Variants in CNTRL observed in about 807,000 individuals in gnomAD.
The protein encoded by CNTRL is centriolin.
CNTRL carries 233 observed loss-of-function variants against 303.7 expected under a neutral mutation model. The observed-to-expected ratio is 0.77, with a 90% CI of 0.69 to 0.86. CNTRL has a LOEUF of 0.86. CNTRL is among the 40% of genes least tolerant of loss of function. The pLI is 0.00. For synonymous variants in CNTRL, 900 were observed against 922.2 expected, an observed-to-expected ratio of 0.98 and a Z score of 0.44; for missense variants, 2,524 against 2,650.6, an observed-to-expected ratio of 0.95 and a Z score of 1.05.
chr9:121,090,299 GAT>G lies in CNTRL; in HGVS notation c.247_248del (p.Ile83TyrfsTer6). ...GGAGCTGATTCACATGCAGGAGTTA[GAT>G]ATATTACAGAGGCCCTCATTAAAAA... On this transcript the variant is annotated frameshift_variant, in exon 4 of 44. Transcript: ENST00000373855. LOFTEE classifies it high-confidence loss of function. 6.2e-7 allele frequency: 1 copy of G among 1,609,654 alleles called. No individual in the cohort carries two copies. The highest frequency in any genetic ancestry group is 8.5e-7 in the Non-Finnish European group (1 of 1,178,068).
At chr9:121,136,124 G>C in intron 15 of CNTRL, 142 bp downstream of exon 15, 4 of 712,070 alleles carry the variant, frequency 5.6e-6, no homozygotes, top group Non-Finnish European at 8.9e-6. Flanking sequence ...GAATTTTGGA[G>C]TCAGACATTG....
At chr9:121,102,984 T>G (rs1370760326) in intron 7 of CNTRL, among the ~76,000 whole-genome samples, 1 of 152,158 alleles carries the variant, frequency 6.6e-6, no homozygotes, top group African/African-American at 2.4e-5. Context: ...CAAGGTAATT[T>G]ATAGATTCAA....
At position 121,082,656 on chromosome 9, in the gene CNTRL, T is replaced by C. The variant is rs144620147; in HGVS notation, c.-32+2178T>C. On this transcript the variant is annotated intron_variant, in intron 2 of 43. Transcript: ENST00000373855. ...AATACTTTAGGCAGTTGTAGCACCA[T>C]GGTAAATATTTGTGCATCTAAACAT... Among the ~76,000 whole-genome samples the C allele has an allele frequency of 3.5e-4, 53 of 152,238 alleles. No individual in the cohort carries two copies. In the East Asian group the frequency reaches 9.5e-3, roughly 27 times the overall value.
intron 28 of CNTRL, 23 bp from the exon 29 acceptor site, chr9:121,157,717 G>A: frequency 6.2e-7 from 1 of 1,612,200 alleles, no homozygotes; most frequent in Non-Finnish European, 8.5e-7. Context: ...AGGACCTGGG[G>A]GGAATAAAGC....
chr9:121,121,326 T>G (rs938634511), intron 12 of CNTRL, among the ~76,000 whole-genome samples: 1 of 152,214 alleles, frequency 6.6e-6, no homozygotes, highest in African/African-American at 2.4e-5. Flanking sequence ...AAATATTAAG[T>G]GAATTGCCCC....
rs554318472 is a variant in CNTRL at position 121,168,403 on chromosome 9, C to G, written c.6070+82C>G. 4 of 1,251,036 alleles carry G rather than the reference C, an allele frequency of 3.2e-6. No individual in the cohort carries two copies. The African/African-American group carries it at 4.5e-5, about 14-fold the overall frequency. 77.5% of individuals were successfully genotyped at this position (1,251,036 alleles called of 1,614,324 possible). A position where few individuals can be genotyped will look rare whatever the true frequency, so the allele number is the denominator to read the frequency against. On this transcript the variant is annotated intron_variant, in intron 38 of 43. Transcript: ENST00000373855. ...GTCTTGCAAAAGTATTTAAAGAGAT[C>G]CGGACCCCAGCCAGAGCCCAGGAGA... is the stretch of plus-strand genomic sequence containing the variant.
chr9:121,109,710 G>T (rs1031186268), intron 8 of CNTRL, among the ~76,000 whole-genome samples: 3 of 152,188 alleles, frequency 2.0e-5, no homozygotes, highest in African/African-American at 7.2e-5. Flanking sequence ...ACTTCAAAAA[G>T]CTTCTAACCA....
rs768425540 is a variant in CNTRL, at chr9:121,158,948, G to A, written c.4858G>A (p.Ala1620Thr). The A allele has an allele frequency of 1.9e-6, 3 of 1,614,150 alleles. No individual in the cohort carries two copies. The highest frequency in any genetic ancestry group is 2.5e-6 in the Non-Finnish European group (3 of 1,180,006). ...TCTACTCCAAGGAAGCATGGTCCAG[G>A]CAAAAGCTGACCTCCAGGAAGCTCT... Reference protein sequence around the residue: ...LHLLQGSMVQAKADLQEALRL... With the variant: ...LHLLQGSMVQTKADLQEALRL... Residue 1620 changes from alanine to threonine, a missense_variant, in exon 31 of 44, where the codon GCA becomes ACA. By Grantham distance (58) the Ala-to-Thr change is moderately conservative. Coordinates refer to ENST00000373855, the MANE Select transcript of CNTRL (RefSeq NM_007018.6).
At chr9:121,122,345 G>A in intron 12 of CNTRL, 1 of 944,914 alleles carries the variant, frequency 1.1e-6, no homozygotes, top group Non-Finnish European at 1.3e-6. Flanking sequence ...AGCTTTACCA[G>A]TAGTAAATTA....
chr9:121,167,723 C>T (rs1300393039), intron 37 of CNTRL, 46 bp downstream of exon 37: 10 of 1,535,054 alleles, frequency 6.5e-6, no homozygotes, highest in Non-Finnish European at 8.0e-6. Context: ...TTTTGTGGCT[C>T]ATGTGAGCCT....
At chr9:121,077,746 A>G (rs1328522225) in intron 1 of CNTRL, among the ~76,000 whole-genome samples, 2 of 120,160 alleles carry the variant, frequency 1.7e-5, no homozygotes, top group South Asian at 2.9e-4. Flanking sequence ...GGAGTTCAAG[A>G]CCAACCTGGG....
At chr9:121,083,464 G>A (rs1455516098) in intron 2 of CNTRL, among the ~76,000 whole-genome samples, 1 of 152,140 alleles carries the variant, frequency 6.6e-6, no homozygotes, top group Non-Finnish European at 1.5e-5. Context: ...TCATCAGTAT[G>A]ACTGCCTTTC....
At chr9:121,082,967 C>T (rs1175833183) in intron 2 of CNTRL, among the ~76,000 whole-genome samples, 1 of 67,214 alleles carries the variant, frequency 1.5e-5, no homozygotes, top group Non-Finnish European at 3.5e-5. Flanking sequence ...GAGACTCCCT[C>T]TCAAAAAAAA....
intron 26 of CNTRL, among the ~76,000 whole-genome samples, chr9:121,154,225 T>TA (rs139824797): frequency 0.029 from 4,422 of 152,308 alleles, 214 homozygotes; most frequent in African/African-American, 0.1. Flanking sequence ...ATGTTAGCCT[T>TA]AAGATATTGA....
At chr9:121,108,054 C>A in intron 8 of CNTRL, 59 bp downstream of exon 8, 1 of 1,208,638 alleles carries the variant, frequency 8.3e-7, no homozygotes, top group Non-Finnish European at 1.1e-6. Flanking sequence ...AATTCTTTGC[C>A]CTTGGGTCTA....
chr9:121,091,920 ACTCT>A (rs2048592114), intron 4 of CNTRL, among the ~76,000 whole-genome samples: 1 of 122,808 alleles, frequency 8.1e-6, no homozygotes, highest in African/African-American at 3.2e-5. Context: ...ACAGGGTCTC[ACTCT>A]GTCATCTAGG....
At chr9:121,080,037 C>T (rs1226744692) in intron 1 of CNTRL, among the ~76,000 whole-genome samples, 3 of 151,912 alleles carry the variant, frequency 2.0e-5, no homozygotes, top group Non-Finnish European at 4.4e-5. Context: ...CATGCTAGGC[C>T]ATAGAGAACA....
At position 121,121,831 on chromosome 9, in the gene CNTRL, A is replaced by C. The variant is rs951877656; in HGVS notation, c.1651-2100A>C. The C allele has an allele frequency of 3.0e-6, 3 of 985,444 alleles. No individual in the cohort carries two copies. The South Asian group carries it at 1.4e-4, about 46-fold the overall frequency. The allele number at this position is 985,444 out of a possible 1,614,324, so 61.0% of individuals were successfully genotyped here. On this transcript the variant is annotated intron_variant, in intron 12 of 43. Transcript: ENST00000373855. ...GTTACAGAGGCTCGGAGGCGCTTGC[A>C]AAAATGTGGCTGTCAGAGAGGGAAG...
At chr9:121,125,671 G>A (rs747886917) in intron 13 of CNTRL, 45 bp from the exon 14 acceptor site, 6 of 1,510,834 alleles carry the variant, frequency 4.0e-6, no homozygotes, top group Non-Finnish European at 5.5e-6. Context: ...AGACAATGCA[G>A]TACTTTAAAA....
Sources: allele counts gnomAD v4.1 joint callset (sites outside exome capture counted in the v4.1 genomes callset), GRCh38; gene constraint gnomAD v4.1.1; transcripts MANE v1.5; gene names NCBI Gene and HGNC (gene_info 2026-07-23, HGNC 2026-07-21).